Variants in SPTLC3 observed in about 807,000 individuals in gnomAD.
SPTLC3 encodes serine palmitoyltransferase 3.
In SPTLC3, 36 loss-of-function variants were observed where a neutral mutation model predicts 59.3. The ratio of observed to expected loss-of-function variants is 0.61; its 90% CI spans 0.47 to 0.80. SPTLC3 has a LOEUF of 0.80. Ranked by LOEUF, SPTLC3 falls within the 30% of genes least tolerant of loss-of-function variation. The pLI is 0.00. For missense variants in SPTLC3, 625 were observed against 685.1 expected, an observed-to-expected ratio of 0.91 and a Z score of 0.98; for synonymous variants, 257 against 240.8, an observed-to-expected ratio of 1.07 and a Z score of -0.62.
intron 6 of SPTLC3, among the ~76,000 whole-genome samples, chr20:13,109,295 G>A (rs890593981): frequency 1.3e-5 from 2 of 152,176 alleles, no homozygotes; most frequent in Admixed American, 6.5e-5. Context: ...GAGAAGAAGG[G>A]ACAATGGCTT....
chr20:13,054,626 C>G (rs533004508), intron 2 of SPTLC3, among the ~76,000 whole-genome samples: 1 of 152,220 alleles, frequency 6.6e-6, no homozygotes, highest in South Asian at 2.1e-4. Context: ...TGAGAGGTAG[C>G]AGAAGGTGGT....
In SPTLC3 at chr20:13,081,226, A is replaced by T. The variant is rs73257255; in HGVS notation, c.607+6729A>T. 2.4e-3 allele frequency among the ~76,000 whole-genome samples: 373 copies of T among 152,320 alleles called. 1 individual carries two copies. Among genetic ancestry groups the T allele is most frequent in the African/African-American group, 8.5e-3 (355 of 41,574 alleles). On this transcript the variant is annotated intron_variant, in intron 4 of 11. Transcript: ENST00000399002. ...GAGTGGGCTGATGCAAACTTACCTG[A>T]TGGCAATTGTCACTGATATACAGAA... is the stretch of plus-strand genomic sequence containing the variant.
chr20:13,093,964 T>C (rs922311261), intron 6 of SPTLC3, among the ~76,000 whole-genome samples: 4 of 152,182 alleles, frequency 2.6e-5, no homozygotes, highest in Non-Finnish European at 5.9e-5. Context: ...AATTAGCCTG[T>C]TCCTTAGAAG....
intron 4 of SPTLC3, among the ~76,000 whole-genome samples, chr20:13,087,100 C>T (rs928838793): frequency 6.6e-6 from 1 of 152,116 alleles, no homozygotes; most frequent in Middle Eastern, 3.2e-3. Context: ...CTAGCCTCCT[C>T]CCCGTCTTTA....
At chr20:13,090,449 G>T (rs1025547682) in intron 4 of SPTLC3, among the ~76,000 whole-genome samples, 1 of 152,126 alleles carries the variant, frequency 6.6e-6, no homozygotes, top group Non-Finnish European at 1.5e-5. Context: ...TTGCATTTAG[G>T]TGTGGGAAAA....
chr20:13,048,811 G>C (rs1600230238), intron 1 of SPTLC3, 134 bp from the exon 2 acceptor site: 4 of 773,102 alleles, frequency 5.2e-6, no homozygotes, highest in Non-Finnish European at 5.8e-6. Flanking sequence ...CCTCTTCAAT[G>C]GTCAGTTTCT....
At chr20:13,134,205 T>C (rs1038279576) in intron 9 of SPTLC3, among the ~76,000 whole-genome samples, 4 of 152,212 alleles carry the variant, frequency 2.6e-5, no homozygotes, top group African/African-American at 9.6e-5. Flanking sequence ...AAGAAATGTG[T>C]TAAGTCTCAG....
intron 7 of SPTLC3, among the ~76,000 whole-genome samples, 181 bp downstream of exon 7, chr20:13,110,398 ACT>A (rs1223269367): frequency 1.3e-5 from 2 of 151,874 alleles, no homozygotes. Context: ...CTTTTTGATG[ACT>A]CTATATATGG....
At chr20:13,066,785 CT>C (rs367777613) in intron 2 of SPTLC3, among the ~76,000 whole-genome samples, 155 of 151,670 alleles carry the variant, frequency 1.0e-3, no homozygotes, top group African/African-American at 3.7e-3. Flanking sequence ...CCTTCTCTTC[CT>C]TTCCTCCTTA....
intron 1 of SPTLC3, among the ~76,000 whole-genome samples, chr20:13,009,671 G>A (rs558346014): frequency 4.6e-5 from 7 of 152,260 alleles, no homozygotes; most frequent in East Asian, 1.9e-4. Context: ...AGCATTTTGC[G>A]GGGAGGGAAG....
chr20:13,110,422 G>A (rs1256470617), intron 7 of SPTLC3, among the ~76,000 whole-genome samples: 1 of 152,186 alleles, frequency 6.6e-6, no homozygotes, highest in African/African-American at 2.4e-5. Context: ...ACAGCAGCTT[G>A]GAGGCTGGCC....
intron 1 of SPTLC3, among the ~76,000 whole-genome samples, chr20:13,045,879 T>C (rs1987209176): frequency 6.6e-6 from 1 of 152,004 alleles, no homozygotes; most frequent in Non-Finnish European, 1.5e-5. Context: ...AAACTGCCTA[T>C]GGATTTCAAG....
Position 13,117,735 on chromosome 20 carries a change from G to C in SPTLC3, c.1152+10G>C. On this transcript the variant is annotated intron_variant, in intron 8 of 11. Transcript: ENST00000399002. ...CATAGCTGGAAGGAAGGTAAGAGAGGGCCTGCTTGTGTCTGTTTAAAACCT... is the reference window on the plus strand; with the variant it reads ...CATAGCTGGAAGGAAGGTAAGAGAGCGCCTGCTTGTGTCTGTTTAAAACCT... The C allele has an allele frequency of 6.2e-7, 1 of 1,600,388 alleles. No individual in the cohort carries two copies. Among genetic ancestry groups the C allele is most frequent in the Non-Finnish European group, 8.5e-7 (1 of 1,174,246 alleles).
chr20:13,013,632 T>C (rs986319505), intron 1 of SPTLC3, among the ~76,000 whole-genome samples: 1 of 152,232 alleles, frequency 6.6e-6, no homozygotes, highest in Non-Finnish European at 1.5e-5. Flanking sequence ...GAGCTCATCA[T>C]TTATAAAGCA....
intron 2 of SPTLC3, among the ~76,000 whole-genome samples, chr20:13,065,002 T>G (rs1279107382): frequency 1.3e-5 from 2 of 152,152 alleles, no homozygotes; most frequent in South Asian, 2.1e-4. Context: ...AGCAAAGCAA[T>G]TGTTATTTTT....
intron 4 of SPTLC3, among the ~76,000 whole-genome samples, chr20:13,078,176 T>G (rs547236242): frequency 9.0e-5 from 13 of 144,608 alleles, no homozygotes; most frequent in African/African-American, 3.0e-4. Context: ...TGTAAATATG[T>G]AAAAAGAAAA....
At chr20:13,163,978 T>G (rs1433869916) in intron 11 of SPTLC3, among the ~76,000 whole-genome samples, 1 of 152,168 alleles carries the variant, frequency 6.6e-6, no homozygotes, top group Non-Finnish European at 1.5e-5. Flanking sequence ...TATGTATACA[T>G]GTGCCATGTT....
rs184657232 is a variant in SPTLC3 at position 13,017,106 on chromosome 20, G to A, written c.117+7722G>A. On this transcript the variant is annotated intron_variant, in intron 1 of 11. Coordinates refer to ENST00000399002, the MANE Select transcript of SPTLC3 (RefSeq NM_018327.4). ...TGGGATTCATACCCACTTCCAGAGA[G>A]AAGGGGCCAGCAGACACAGCCTTAA... Among the ~76,000 whole-genome samples the A allele has an allele frequency of 2.6e-5, 4 of 152,306 alleles. No homozygotes were observed. In the East Asian group the frequency reaches 7.7e-4, roughly 29 times the overall value.
At chr20:13,074,856 T>C (rs1988586031) in intron 4 of SPTLC3, among the ~76,000 whole-genome samples, 1 of 152,222 alleles carries the variant, frequency 6.6e-6, no homozygotes, top group Admixed American at 6.5e-5. Context: ...ATGGCCTGTC[T>C]CTGCTCCTAA....
Sources: allele counts gnomAD v4.1 joint callset (sites outside exome capture counted in the v4.1 genomes callset), GRCh38; gene constraint gnomAD v4.1.1; transcripts MANE v1.5; gene names NCBI Gene and HGNC (gene_info 2026-07-23, HGNC 2026-07-21).